The following SCAF1 variants were observed in gnomAD, a reference collection of about 807,000 sequenced individuals.
SCAF1 encodes the protein splicing factor, arginine/serine-rich 19.
Under a neutral mutation model 91.2 loss-of-function variants are expected in SCAF1, and 28 were observed. The ratio of observed to expected loss-of-function variants is 0.31; its 90% confidence interval spans 0.23 to 0.42. SCAF1 has a LOEUF of 0.42. Ranked by LOEUF, SCAF1 falls within the 10% of genes least tolerant of loss-of-function variation. The pLI is 1.00. For missense variants in SCAF1, 1,893 were observed against 1,872.1 expected (o/e 1.01, Z -0.21); for synonymous variants, 1,036 against 833.7 (o/e 1.24, Z -4.18).
chr19:49,641,292 C>T (rs1422833153), upstream of SCAF1, among the ~76,000 whole-genome samples: 1 of 152,100 alleles, frequency 6.6e-6, no homozygotes, highest in Non-Finnish European at 1.5e-5. Flanking sequence ...GCTATGGGGT[C>T]GGGCTTCTAG....
chr19:49,652,341 G>T lies in SCAF1; in HGVS notation c.1952G>T (p.Gly651Val), dbSNP rs758561825. 4.6e-6 allele frequency: 7 copies of T among 1,537,040 alleles called. No individual in the cohort carries two copies. The highest frequency in any genetic ancestry group is 5.2e-6 in the Non-Finnish European group (6 of 1,143,728). The change falls in exon 7 of 11, where the codon GGT becomes GTT. Residue 651 changes from glycine (G) to valine (V), a missense_variant. By Grantham distance (109) the Gly-to-Val change is moderately radical. This residue lies in a region of SCAF1 where 1,436 missense variants were observed against 1,306.8 expected (regional missense o/e 1.10). Transcript: ENST00000360565. Reference protein sequence around the residue: ...KKKKKRSRSRGEKRSGDGSEK... With the variant: ...KKKKKRSRSRVEKRSGDGSEK... ...AAGAAGAAGCGGTCGCGGTCCCGGGGTGAGAAGCGGTCTGGGGATGGCAGC... is the reference window on the plus strand; with the variant it reads ...AAGAAGAAGCGGTCGCGGTCCCGGGTTGAGAAGCGGTCTGGGGATGGCAGC...
chr19:49,654,380 C>T lies in SCAF1; in HGVS notation c.3348C>T (p.Ala1116=), dbSNP rs1172156064. 2 of 1,613,422 alleles carry T rather than the reference C, an allele frequency of 1.2e-6. No homozygotes were observed. Among genetic ancestry groups the T allele is most frequent in the East Asian group, 2.2e-5 (1 of 44,888 alleles). The change falls in exon 8 of 11, where the codon GCC becomes GCT. Residue 1116 remains alanine (A), a synonymous_variant. Coordinates refer to ENST00000360565, the MANE Select transcript of SCAF1 (RefSeq NM_021228.3). ...LTALLFKMEE[A]NLASRAKAQE... is the part of the protein sequence containing the mutation. The stretch of plus-strand genomic sequence containing the variant: ...CACTTCTCTTCAAGATGGAAGAAGC[C>T]AACCTGGCGAGCCGAGCGAAGGCCC...
In SCAF1 at chr19:49,652,076, G is replaced by A; in HGVS notation, c.1687G>A (p.Gly563Ser). ...KKHRSRDRKP[G>S]SHASSSARRR... ...GCACCGCTCGCGGGACCGCAAGCCC[G>A]GCTCCCACGCCTCGTCGTCCGCCCG... is the stretch of plus-strand genomic sequence containing the variant. The change falls in exon 7 of 11, where the codon GGC (glycine) becomes AGC (serine). Residue 563 changes from glycine (G) to serine (S), a missense_variant. Gly to Ser is a moderately conservative substitution (Grantham distance 56). This residue lies in a region of SCAF1 where 1,436 missense variants were observed against 1,306.8 expected (regional missense o/e 1.10). Coordinates refer to ENST00000360565, the MANE Select transcript of SCAF1 (RefSeq NM_021228.3). 2.5e-6 allele frequency: 3 copies of A among 1,203,452 alleles called. No homozygotes were observed. The highest frequency in any genetic ancestry group is 3.1e-6 in the Non-Finnish European group (3 of 956,468). The allele number at this position is 1,203,452 out of a possible 1,614,324, so 74.5% of individuals were successfully genotyped here.
rs1046766787 is a variant in SCAF1 at position 49,642,909 on chromosome 19, G to A, written c.-7+667G>A. 2.0e-5 allele frequency among the ~76,000 whole-genome samples: 3 copies of A among 152,222 alleles called. No homozygotes were observed. Among genetic ancestry groups the A allele is most frequent in the African/African-American group, 7.2e-5 (3 of 41,456 alleles). On this transcript the variant is annotated intron_variant, in intron 1 of 10. Transcript: ENST00000360565. This position sits in a 1 kb window ranked among gnomAD's most constrained non-coding sequence, Gnocchi z 4.0. ...GTACTGAGGGTCTGGGGTCTCCAAG[G>A]TATGGGTAGTGTCTAATAATGGGTG...
In SCAF1 at chr19:49,651,941, A is replaced by G; in HGVS notation, c.1552A>G (p.Lys518Glu). The stretch of plus-strand genomic sequence containing the variant: ...CGCTGCTGGTCCGCCCACGCGCAAG[A>G]AGTCCAGGCGGGAACGCAAGCGCAG... ...AAAAGPPTRK[K>E]SRRERKRSGE... is the part of the protein sequence containing the mutation. Residue 518 changes from lysine to glutamate, a missense_variant, in exon 7 of 11, where the codon AAG becomes GAG. Transcript: ENST00000360565. 2 of 1,187,694 alleles carry G rather than the reference A, an allele frequency of 1.7e-6. No individual in the cohort carries two copies. Among genetic ancestry groups the G allele is most frequent in the Non-Finnish European group, 2.1e-6 (2 of 951,262 alleles). 73.6% of individuals were successfully genotyped at this position (1,187,694 alleles called of 1,614,324 possible). A position where few individuals can be genotyped will look rare whatever the true frequency, so the allele number is the denominator to read the frequency against.
rs765181723 is a variant in SCAF1 at position 49,645,426 on chromosome 19, G to A, written c.166+15G>A. 9.9e-6 allele frequency: 16 copies of A among 1,611,090 alleles called. No individual in the cohort carries two copies. The highest frequency in any genetic ancestry group is 8.5e-5 in the Admixed American group (5 of 58,974). ...CAATGATAAAGGTATGGCGGCTTCC[G>A]GTTCCTTTTAGCCCCTGCCCCCTCT... On this transcript the variant is annotated intron_variant, in intron 3 of 10. Coordinates refer to ENST00000360565, the MANE Select transcript of SCAF1 (RefSeq NM_021228.3). This position sits in a 1 kb window ranked among gnomAD's most constrained non-coding sequence, Gnocchi z 4.6.
chr19:49,641,822 C>A (rs1336883628), upstream of SCAF1, among the ~76,000 whole-genome samples: 3 of 152,340 alleles, frequency 2.0e-5, no homozygotes, highest in South Asian at 6.2e-4. Context: ...TCCAGCAAGT[C>A]GTGCTCACTC....
chr19:49,657,362 C>G (rs997334730), intron 9 of SCAF1, among the ~76,000 whole-genome samples: 1 of 152,102 alleles, frequency 6.6e-6, no homozygotes, highest in Non-Finnish European at 1.5e-5. Flanking sequence ...GAGTCCTCCC[C>G]GCTCCCGCGG....
chr19:49,658,360 A>G lies in SCAF1; in HGVS notation c.3900A>G (p.Pro1300=), dbSNP rs2122532483. The G allele has an allele frequency of 1.3e-6, 2 of 1,564,836 alleles. No homozygotes were observed. The highest frequency in any genetic ancestry group is 1.7e-6 in the Non-Finnish European group (2 of 1,158,116). ...GGCCGCCCAAGGAGCCAGGGCCCCCAGACAAGGGTGGCCCGGGCCTGCCCC... is the reference window on the plus strand; with the variant it reads ...GGCCGCCCAAGGAGCCAGGGCCCCCGGACAAGGGTGGCCCGGGCCTGCCCC... ...PPRPPKEPGP[P]DKGGPGLPLP... Residue 1300 remains proline, a synonymous_variant, in exon 11 of 11, where the codon CCA becomes CCG. Coordinates refer to ENST00000360565, the MANE Select transcript of SCAF1 (RefSeq NM_021228.3).
In SCAF1 at chr19:49,657,745, G is replaced by A. The variant is rs117247064; in HGVS notation, c.3619-16G>A. ...GGCCCTTGCTGTGTCTTCCCCCGCT[G>A]TCGCCACCCCACCAGTATCTGAAGA... On this transcript the variant is annotated splice_polypyrimidine_tract_variant and intron_variant, in intron 9 of 10. Transcript: ENST00000360565. The A allele has an allele frequency of 1.1e-3, 1,770 of 1,591,102 alleles. 32 individuals carry two copies. In the East Asian group the frequency reaches 0.036, roughly 32 times the overall value.
In SCAF1 at chr19:49,645,112, T is replaced by A; in HGVS notation, c.86T>A (p.Leu29His). 1 of 1,614,082 alleles carries A rather than the reference T, an allele frequency of 6.2e-7. No individual in the cohort carries two copies. Among genetic ancestry groups the A allele is most frequent in the Non-Finnish European group, 8.5e-7 (1 of 1,179,976 alleles). ...GDGPPDRDPT[L>H]SPSAFILRAI... ...GGTCCGCCAGACAGAGACCCCACGC[T>A]TTCTCCTTCTGCCTTTATCCTGGTG... The change falls in exon 2 of 11, where the codon CTT becomes CAT. Residue 29 changes from leucine to histidine, a missense_variant. Physicochemically the swap from Leu to His is moderately conservative, Grantham distance 99. Transcript: ENST00000360565. This position sits in a 1 kb window ranked among gnomAD's most constrained non-coding sequence, Gnocchi z 4.6.
At chr19:49,658,112 G>A in intron 10 of SCAF1, 96 bp from the exon 11 acceptor site, 2 of 1,369,536 alleles carry the variant, frequency 1.5e-6, no homozygotes, top group Non-Finnish European at 2.0e-6. Context: ...TATTGGGGAA[G>A]CTCCTCCTAC....
intron 9 of SCAF1, among the ~76,000 whole-genome samples, chr19:49,656,424 T>G (rs2081139707): frequency 6.6e-6 from 1 of 152,158 alleles, no homozygotes; most frequent in Admixed American, 6.5e-5. Flanking sequence ...TGCCCTGCCC[T>G]TCCCAGGACT....
Position 49,657,873 on chromosome 19 carries a change from G to A in SCAF1, c.3731G>A (p.Arg1244Lys). 6.2e-7 allele frequency: 1 copy of A among 1,611,662 alleles called. No individual in the cohort carries two copies. Among genetic ancestry groups the A allele is most frequent in the Non-Finnish European group, 8.5e-7 (1 of 1,178,912 alleles). The change falls in exon 10 of 11, where the codon AGG becomes AAG. Residue 1244 changes from arginine (R) to lysine (K), a missense_variant. Transcript: ENST00000360565. The stretch of plus-strand genomic sequence containing the variant: ...AAGGAGGAGTACAAGGACATCCTGA[G>A]GAAGGCCGTCCACAAGGTGGGCACC... ...ITKEEYKDIL[R>K]KAVHKICHSK...
Position 49,646,154 on chromosome 19 carries a change from A to G in SCAF1, c.213A>G (p.Pro71=). The change falls in exon 4 of 11, where the codon CCA becomes CCG. Residue 71 remains proline, a synonymous_variant. Transcript: ENST00000360565. The surrounding 1 kb of genome is among the most constrained non-coding windows in gnomAD (Gnocchi z 5.6). ...HGLRWRRCRS[P]RSEPRSQESG... is the part of the protein sequence containing the mutation. ...TTCGATGGCGGCGCTGCCGGAGTCC[A>G]CGGTCAGAGCCCCGTTCCCAGGAAT... 1 of 1,611,290 alleles carries G rather than the reference A, an allele frequency of 6.2e-7. No homozygotes were observed. Among genetic ancestry groups the G allele is most frequent in the Non-Finnish European group, 8.5e-7 (1 of 1,179,840 alleles).
At position 49,652,149 on chromosome 19, in the gene SCAF1, C is replaced by A; in HGVS notation, c.1760C>A (p.Ser587Ter). ...CGCTCCCGCTCCACCCGCCGCCGCT[C>A]GCGCAGCACCGACCGCCGCCGCGGG... is the stretch of plus-strand genomic sequence containing the variant. ...RSRSRSTRRR[S>*]RSTDRRRGGS... The change falls in exon 7 of 11, where the codon TCG becomes TAG. Residue 587 changes from serine to a stop codon, truncating the protein, a stop_gained. Coordinates refer to ENST00000360565, the MANE Select transcript of SCAF1 (RefSeq NM_021228.3). LOFTEE classifies it high-confidence loss of function. 1 of 1,065,284 alleles carries A rather than the reference C, an allele frequency of 9.4e-7. No individual in the cohort carries two copies. The highest frequency in any genetic ancestry group is 3.7e-5 in the South Asian group (1 of 27,024). 66.0% of individuals were successfully genotyped at this position (1,065,284 alleles called of 1,614,324 possible).
intron 7 of SCAF1, 120 bp from the exon 8 acceptor site, chr19:49,654,229 G>C: frequency 1.3e-6 from 1 of 798,690 alleles, no homozygotes; most frequent in South Asian, 1.7e-5. Context: ...TGAGCGTGAG[G>C]CTTTGTGGCT....
rs1459204436 is a variant in SCAF1, at chr19:49,652,145, C to G, written c.1756C>G (p.Arg586Gly). The G allele has an allele frequency of 9.2e-7, 1 of 1,089,194 alleles. No individual in the cohort carries two copies. The highest frequency in any genetic ancestry group is 6.9e-5 in the East Asian group (1 of 14,576). The allele number at this position is 1,089,194 out of a possible 1,614,324, so 67.5% of individuals were successfully genotyped here. A position where few individuals can be genotyped will look rare whatever the true frequency, so the allele number is the denominator to read the frequency against. The change falls in exon 7 of 11, where the codon CGC becomes GGC. Residue 586 changes from arginine (R) to glycine (G), a missense_variant. Coordinates refer to ENST00000360565, the MANE Select transcript of SCAF1 (RefSeq NM_021228.3). Reference protein sequence around the residue: ...SRSRSRSTRRRSRSTDRRRGG... With the variant: ...SRSRSRSTRRGSRSTDRRRGG... ...CTCCCGCTCCCGCTCCACCCGCCGC[C>G]GCTCGCGCAGCACCGACCGCCGCCG...
chr19:49,641,327 T>A (rs2081025075), upstream of SCAF1, among the ~76,000 whole-genome samples: 1 of 152,162 alleles, frequency 6.6e-6, no homozygotes, highest in Non-Finnish European at 1.5e-5. Context: ...TTTATTTGTT[T>A]ATTTTTGAGA....
Sources: allele counts gnomAD v4.1 joint callset (sites outside exome capture counted in the v4.1 genomes callset), GRCh38; gene constraint gnomAD v4.1.1; regional missense constraint gnomAD v4.1.1; non-coding constraint Gnocchi (gnomAD v3.1); transcripts MANE v1.5; gene names NCBI Gene and HGNC (gene_info 2026-07-23, HGNC 2026-07-21).